The following ERBB4 variants were observed in gnomAD, a reference collection of about 807,000 sequenced individuals.
ERBB4 encodes receptor tyrosine-protein kinase erbB-4.
ERBB4 carries 42 observed loss-of-function variants against 158.0 expected under a neutral mutation model. The ratio of observed to expected loss-of-function variants is 0.27; its 90% CI spans 0.21 to 0.34. The LOEUF is 0.34. Ranked by LOEUF, ERBB4 falls within the 10% of genes least tolerant of loss-of-function variation. The probability of loss-of-function intolerance (pLI) is 1.00; values close to 1 mark genes in which losing one functional copy is unlikely to be tolerated. For synonymous variants in ERBB4, 583 were observed against 558.7 expected, an observed-to-expected ratio of 1.04 and a Z score of -0.61; for missense variants, 1,333 against 1,624.1, an observed-to-expected ratio of 0.82 and a Z score of 3.08.
intron 2 of ERBB4, among the ~76,000 whole-genome samples, chr2:211,999,972 G>A (rs2076067391): frequency 6.6e-6 from 1 of 151,676 alleles, no homozygotes; most frequent in South Asian, 2.1e-4. Context: ...GGTGTCTCTA[G>A]TCACGGTATA....
intron 3 of ERBB4, among the ~76,000 whole-genome samples, chr2:211,860,206 A>G (rs1575264035): frequency 6.6e-6 from 1 of 152,276 alleles, no homozygotes; most frequent in South Asian, 2.1e-4. Flanking sequence ...ATTGTATGAT[A>G]CTGGACATAG....
At chr2:211,523,569 T>A (rs2066248979) in intron 20 of ERBB4, among the ~76,000 whole-genome samples, 1 of 151,474 alleles carries the variant, frequency 6.6e-6, no homozygotes, top group Non-Finnish European at 1.5e-5. Context: ...GGCTCAGGAG[T>A]TAAGCTGCAG....
rs1027342942 is a variant in ERBB4, at chr2:211,377,914, G to A, written c.*5701C>T. ...TTTTAATAGCTTAAATATTCTCTAT[G>A]CGGTAGTTTGATAGTTCACTTAAAC... is the stretch of plus-strand genomic sequence containing the variant. On this transcript the variant is annotated 3_prime_UTR_variant, in exon 28 of 28. Coordinates refer to ENST00000342788, the MANE Select transcript of ERBB4 (RefSeq NM_005235.3). The A allele has an allele frequency of 1.3e-5, 3 of 232,706 alleles. No individual in the cohort carries two copies. Among genetic ancestry groups the A allele is most frequent in the Non-Finnish European group, 1.7e-5 (2 of 117,508 alleles). The allele number at this position is 232,706 out of a possible 1,614,324, so 14.4% of individuals were successfully genotyped here.
At chr2:211,975,275 G>A (rs952860852) in intron 2 of ERBB4, among the ~76,000 whole-genome samples, 10 of 152,112 alleles carry the variant, frequency 6.6e-5, no homozygotes, top group South Asian at 2.1e-4. Flanking sequence ...AGCCACCACC[G>A]TGGCTCCCCC....
chr2:212,006,926 G>C (rs1422207785), intron 2 of ERBB4, among the ~76,000 whole-genome samples: 1 of 151,824 alleles, frequency 6.6e-6, no homozygotes, highest in Admixed American at 6.6e-5. Flanking sequence ...ATTAATGATA[G>C]GAAAACATTT....
intron 14 of ERBB4, among the ~76,000 whole-genome samples, chr2:211,670,290 G>T (rs1559400708): frequency 1.3e-5 from 2 of 152,128 alleles, no homozygotes; most frequent in Non-Finnish European, 2.9e-5. Flanking sequence ...CAATGTTTGG[G>T]CCACTGGTTG....
intron 20 of ERBB4, among the ~76,000 whole-genome samples, chr2:211,434,859 T>C: frequency 6.6e-6 from 1 of 152,254 alleles, no homozygotes; most frequent in East Asian, 1.9e-4. Context: ...ATGTTTATGG[T>C]TGCTTTGTAA....
At chr2:211,774,822 T>A (rs1466875992) in intron 4 of ERBB4, among the ~76,000 whole-genome samples, 2 of 152,198 alleles carry the variant, frequency 1.3e-5, no homozygotes, top group East Asian at 3.9e-4. Context: ...CTGTTAACTG[T>A]TAGTGGGTTA....
At chr2:211,714,978 C>T (rs903107602) in intron 7 of ERBB4, among the ~76,000 whole-genome samples, 6 of 152,110 alleles carry the variant, frequency 3.9e-5, no homozygotes, top group Admixed American at 2.0e-4. Context: ...CAGAGTAAGA[C>T]ACAAAATAGA....
intron 25 of ERBB4, among the ~76,000 whole-genome samples, chr2:211,404,924 A>G (rs1334916302): frequency 6.6e-6 from 1 of 152,134 alleles, no homozygotes; most frequent in East Asian, 1.9e-4. Context: ...TGGAGAAATG[A>G]GAGAAGAGAC....
At chr2:212,343,502 T>C (rs1190444094) in intron 1 of ERBB4, among the ~76,000 whole-genome samples, 2 of 152,168 alleles carry the variant, frequency 1.3e-5, no homozygotes, top group Non-Finnish European at 2.9e-5. Context: ...CAACTCTAAA[T>C]GCATTGAATA....
At chr2:211,697,459 C>T (rs1015513753) in intron 12 of ERBB4, among the ~76,000 whole-genome samples, 9 of 152,002 alleles carry the variant, frequency 5.9e-5, no homozygotes, top group African/African-American at 1.9e-4. Context: ...GTTTGATAAA[C>T]ATTAGTTTAT....
chr2:211,896,589 T>C (rs182678896), intron 3 of ERBB4, among the ~76,000 whole-genome samples: 305 of 152,306 alleles, frequency 2.0e-3, no homozygotes, highest in Non-Finnish European at 3.6e-3. Context: ...CACAGCAGCA[T>C]AAAATAATCT....
At chr2:211,791,778 G>GA (rs1376355984) in intron 3 of ERBB4, among the ~76,000 whole-genome samples, 1 of 151,746 alleles carries the variant, frequency 6.6e-6, no homozygotes, top group Non-Finnish European at 1.5e-5. Flanking sequence ...TGACATCGAT[G>GA]AAAAAAGTAT....
intron 3 of ERBB4, among the ~76,000 whole-genome samples, chr2:211,887,097 T>G (rs1235050905): frequency 6.6e-6 from 1 of 152,204 alleles, no homozygotes; most frequent in Non-Finnish European, 1.5e-5. Flanking sequence ...TGGTAATATA[T>G]GCCAACTCTC....
chr2:212,208,323 A>G (rs1202721498), intron 1 of ERBB4, among the ~76,000 whole-genome samples: 1 of 152,156 alleles, frequency 6.6e-6, no homozygotes, highest in East Asian at 1.9e-4. Context: ...CCACATGCCC[A>G]TAAAATTTCA....
chr2:211,393,053 A>G (rs2062836008), intron 25 of ERBB4, among the ~76,000 whole-genome samples: 2 of 152,190 alleles, frequency 1.3e-5, no homozygotes, highest in Non-Finnish European at 2.9e-5. Flanking sequence ...AATGGAAACT[A>G]TGAGTGGTAT....
chr2:211,794,236 G>C (rs1056448756), intron 3 of ERBB4, among the ~76,000 whole-genome samples: 2 of 151,876 alleles, frequency 1.3e-5, no homozygotes, highest in Non-Finnish European at 2.9e-5. Flanking sequence ...TTATGTTTCA[G>C]GTTTGAGTTC....
chr2:211,552,559 AAT>A (rs889877112), intron 20 of ERBB4, among the ~76,000 whole-genome samples: 11 of 152,276 alleles, frequency 7.2e-5, no homozygotes, highest in Admixed American at 6.5e-4. Flanking sequence ...ACCAAAAAAA[AAT>A]AAAGAAAGCC....
Sources: gnomAD v4.1 joint callset for allele counts (sites outside exome capture counted in the v4.1 genomes callset) on GRCh38, gnomAD v4.1.1 for gene constraint, MANE v1.5 for transcripts, NCBI Gene and HGNC (gene_info 2026-07-23, HGNC 2026-07-21) for gene names.